DRC7: variants seen among roughly 807,000 people sequenced by gnomAD.
The protein encoded by DRC7 is coiled-coil domain containing 135.
In DRC7, 80 loss-of-function variants were observed where a neutral mutation model predicts 104.4. The observed-to-expected ratio is 0.77, with a 90% CI of 0.64 to 0.92. DRC7 has a LOEUF of 0.92. Ranked by LOEUF, DRC7 falls within the 40% of genes least tolerant of loss-of-function variation. The probability of loss-of-function intolerance (pLI) is 0.00; values close to 1 mark genes in which losing one functional copy is unlikely to be tolerated. For synonymous variants in DRC7, 405 were observed against 447.3 expected (o/e 0.91, Z 1.19); for missense variants, 1,034 against 1,141.1 (o/e 0.91, Z 1.35).
chr16:57,728,559 A>G lies in DRC7; in HGVS notation c.2366A>G (p.Asn789Ser), dbSNP rs1488206455. The change falls in exon 17 of 19, where the codon AAC becomes AGC. Residue 789 changes from asparagine to serine, a missense_variant. Asn to Ser is a conservative substitution (Grantham distance 46). Transcript: ENST00000360716. ...AAGCAGCGGCTCATCAACAAGGCCA[A>G]CCTCATCCAGGCCCGCTTTGAGAAG... The part of the protein sequence containing the change: ...DFKQRLINKA[N>S]LIQARFEKET... 1 of 1,607,098 alleles carries G rather than the reference A, an allele frequency of 6.2e-7. No individual in the cohort carries two copies.
At chr16:57,722,296 T>C (rs1420143450) in intron 10 of DRC7, among the ~76,000 whole-genome samples, 1 of 152,112 alleles carries the variant, frequency 6.6e-6, no homozygotes, top group Non-Finnish European at 1.5e-5. Flanking sequence ...GGCTAGGGCC[T>C]GGGGATGGGT....
rs867136152 is a variant in DRC7, at chr16:57,723,033, C to T, written c.1440C>T (p.Tyr480=). ...ATATTTTGGAGATAAAGGAGTGGTACCAGAACCGGGAAGACATGCTGGAGC... is the reference window on the plus strand; with the variant it reads ...ATATTTTGGAGATAAAGGAGTGGTATCAGAACCGGGAAGACATGCTGGAGC... The part of the protein sequence containing the change: ...CTNILEIKEW[Y]QNREDMLELK... Residue 480 remains tyrosine (Y), a synonymous_variant, in exon 12 of 19, where the codon TAC becomes TAT. Coordinates refer to ENST00000360716, the MANE Select transcript of DRC7 (RefSeq NM_001289162.2). 18 of 1,613,832 alleles carry T rather than the reference C, an allele frequency of 1.1e-5. No individual in the cohort carries two copies. The Middle Eastern group carries it at 2.1e-3, about 192-fold the overall frequency.
chr16:57,719,853 T>G (rs538450536), intron 9 of DRC7, among the ~76,000 whole-genome samples: 1 of 152,342 alleles, frequency 6.6e-6, no homozygotes, highest in South Asian at 2.1e-4. Flanking sequence ...GAACTCATTT[T>G]ACCTTAATCA....
chr16:57,707,440 C>T lies in DRC7; in HGVS notation c.859-20C>T. The T allele has an allele frequency of 6.2e-7, 1 of 1,603,402 alleles. No homozygotes were observed. Among genetic ancestry groups the T allele is most frequent in the Non-Finnish European group, 8.5e-7 (1 of 1,174,504 alleles). On this transcript the variant is annotated intron_variant, in intron 7 of 18. Transcript: ENST00000360716. Reference sequence around the variant, plus strand: ...CTCTTCCAGCCATCTGACTCGTAGTCACCCACCTTTCCTTGGCAGGAAGCG... The same window carrying T: ...CTCTTCCAGCCATCTGACTCGTAGTTACCCACCTTTCCTTGGCAGGAAGCG...
intron 17 of DRC7, among the ~76,000 whole-genome samples, chr16:57,728,858 A>ATGGG: frequency 8.6e-6 from 1 of 116,272 alleles, no homozygotes; most frequent in Non-Finnish European, 1.6e-5. Flanking sequence ...GGATGAATGC[A>ATGGG]TGGGTAGATG....
intron 14 of DRC7, chr16:57,726,624 C>G (rs1160797339): frequency 1.8e-6 from 1 of 556,616 alleles, no homozygotes; most frequent in African/African-American, 1.9e-5. Flanking sequence ...CTCACTCTCC[C>G]GGCACAGTCC....
intron 17 of DRC7, among the ~76,000 whole-genome samples, chr16:57,730,244 G>A (rs941256128): frequency 2.1e-5 from 3 of 142,004 alleles, no homozygotes; most frequent in African/African-American, 8.0e-5. Context: ...TGAATGGATG[G>A]GTGGATGAGT....
intron 8 of DRC7, among the ~76,000 whole-genome samples, chr16:57,713,381 A>G (rs1346351802): frequency 1.3e-5 from 2 of 152,170 alleles, no homozygotes; most frequent in Non-Finnish European, 2.9e-5. Flanking sequence ...TTTCAGTTCT[A>G]TCAGTATTTG....
At position 57,699,119 on chromosome 16, in the gene DRC7, C is replaced by T. The variant is rs1597792429; in HGVS notation, c.378+95C>T. 8 of 1,424,326 alleles carry T rather than the reference C, an allele frequency of 5.6e-6. No homozygotes were observed. The South Asian group carries it at 6.4e-5, about 11-fold the overall frequency. 88.2% of individuals were successfully genotyped at this position (1,424,326 alleles called of 1,614,324 possible). A position where few individuals can be genotyped will look rare whatever the true frequency, so the allele number is the denominator to read the frequency against. Reference sequence around the variant, plus strand: ...GGCAGGTTCTCCAAGGTCACTGGGCCAAATCACGGACCTCCTGTGGGCCAG... The same window carrying T: ...GGCAGGTTCTCCAAGGTCACTGGGCTAAATCACGGACCTCCTGTGGGCCAG... On this transcript the variant is annotated intron_variant, in intron 4 of 18. Transcript: ENST00000360716.
rs1327856612 is a variant in DRC7, at chr16:57,707,449, TTCCTTGGCAGGAA to T, written c.859-10_861del. The T allele has an allele frequency of 6.2e-7, 1 of 1,608,208 alleles. No homozygotes were observed. Among genetic ancestry groups the T allele is most frequent in the East Asian group, 2.2e-5 (1 of 44,844 alleles). ...CCATCTGACTCGTAGTCACCCACCT[TTCCTTGGCAGGAA>T]GCGGAGAAGGCAAAGCCGGATGCCC... On this transcript the variant is annotated splice_acceptor_variant and splice_polypyrimidine_tract_variant and coding_sequence_variant and intron_variant, in exon 8 of 19. Transcript: ENST00000360716. LOFTEE classifies it high-confidence loss of function.
At chr16:57,697,490 C>G (rs994858525) in intron 2 of DRC7, among the ~76,000 whole-genome samples, 1 of 151,798 alleles carries the variant, frequency 6.6e-6, no homozygotes, top group Non-Finnish European at 1.5e-5. Context: ...ATTGCTTGAG[C>G]CTGGGAGTTT....
chr16:57,726,476 T>C (rs2048967217), intron 14 of DRC7, 193 bp downstream of exon 14: 2 of 605,498 alleles, frequency 3.3e-6, no homozygotes, highest in Non-Finnish European at 2.9e-6. Context: ...AAAATCTTCC[T>C]TTTCCACCAA....
chr16:57,698,499 C>T (rs577202947), intron 3 of DRC7, among the ~76,000 whole-genome samples: 122 of 151,250 alleles, frequency 8.1e-4, no homozygotes, highest in African/African-American at 2.8e-3. Flanking sequence ...CCAGCCCGGG[C>T]AACATAGCAA....
At position 57,700,173 on chromosome 16, in the gene DRC7, C is replaced by T; in HGVS notation, c.407C>T (p.Thr136Ile). ...TTCGTGAGCACAACCCTCCGGCCCA[C>T]ACTGATGCCCTACCCCGAGCTCTAC... ...PKFVSTTLRP[T>I]LMPYPELYNW... The change falls in exon 5 of 19, where the codon ACA (threonine) becomes ATA (isoleucine). Residue 136 changes from threonine (T) to isoleucine (I), a missense_variant. Physicochemically the swap from Thr to Ile is moderately conservative, Grantham distance 89. Coordinates refer to ENST00000360716, the MANE Select transcript of DRC7 (RefSeq NM_001289162.2). The T allele has an allele frequency of 6.2e-7, 1 of 1,613,486 alleles. No homozygotes were observed. The highest frequency in any genetic ancestry group is 2.2e-5 in the East Asian group (1 of 44,832).
At chr16:57,700,459 C>G (rs1284435802) in intron 5 of DRC7, among the ~76,000 whole-genome samples, 189 bp downstream of exon 5, 1 of 152,062 alleles carries the variant, frequency 6.6e-6, no homozygotes, top group Non-Finnish European at 1.5e-5. Context: ...CCAGCCTGAC[C>G]AACATGGCGA....
At chr16:57,721,550 C>G in intron 9 of DRC7, 117 bp from the exon 10 acceptor site, 1 of 724,452 alleles carries the variant, frequency 1.4e-6, no homozygotes, top group Admixed American at 2.3e-5. Context: ...AGTTCCCCTG[C>G]GGAAGCCAAC....
At chr16:57,721,597 G>GC in intron 9 of DRC7, 70 bp from the exon 10 acceptor site, 1 of 1,247,180 alleles carries the variant, frequency 8.0e-7, no homozygotes, top group South Asian at 1.3e-5. Context: ...CAGAGACAGA[G>GC]CTTTGACCAT....
At chr16:57,707,317 T>C in intron 7 of DRC7, 143 bp from the exon 8 acceptor site, 1 of 676,528 alleles carries the variant, frequency 1.5e-6, no homozygotes. Context: ...GGAGGGGAGA[T>C]GGGCCGTCAC....
Position 57,721,698 on chromosome 16 carries a change from T to C in DRC7, c.1238T>C (p.Met413Thr), listed in dbSNP as rs1355798118. 1.2e-6 allele frequency: 2 copies of C among 1,613,876 alleles called. No individual in the cohort carries two copies. Among genetic ancestry groups the C allele is most frequent in the African/African-American group, 2.7e-5 (2 of 74,940 alleles). Residue 413 changes from methionine to threonine, a missense_variant, in exon 10 of 19, where the codon ATG (methionine) becomes ACG (threonine). Transcript: ENST00000360716. ...GKEDEDKSFD[M>T]PHSWVEQIEI... ...GAGGATGAGGATAAGAGCTTCGACA[T>C]GCCCCACTCGTGGGTGGAGCAGATT...
Sources: gnomAD v4.1 joint callset for allele counts (sites outside exome capture counted in the v4.1 genomes callset) on GRCh38, gnomAD v4.1.1 for gene constraint, MANE v1.5 for transcripts, NCBI Gene and HGNC (gene_info 2026-07-23, HGNC 2026-07-21) for gene names.